Variants in ASTN2 observed in about 807,000 individuals in gnomAD.
The protein encoded by ASTN2 is astrotactin 2, also known as astrotactin-2.
ASTN2 carries 54 observed loss-of-function variants against 139.8 expected under a neutral mutation model. The observed-to-expected ratio is 0.39, with a 90% confidence interval of 0.31 to 0.48. The LOEUF (loss-of-function observed/expected upper bound fraction) is 0.48, where lower values mean the gene tolerates loss of function less well. Among genes scored for constraint, ASTN2 ranks in the 20% least tolerant of loss-of-function variants. ASTN2 has a pLI of 0.95. For synonymous variants in ASTN2, 756 were observed against 719.5 expected (o/e 1.05, Z -0.81); for missense variants, 1,565 against 1,725.1 (o/e 0.91, Z 1.64).
At chr9:117,011,016 G>C (rs11794465) in intron 6 of ASTN2, among the ~76,000 whole-genome samples, 19,874 of 152,184 alleles carry the variant, frequency 0.13, 1,614 homozygotes, top group Middle Eastern at 0.19. Context: ...TCTGGCAGCT[G>C]GGGAATAAGT....
chr9:116,440,611 G>C lies in ASTN2; in HGVS notation c.3780C>G (p.Pro1260=). 6.2e-7 allele frequency: 1 copy of C among 1,612,926 alleles called. No individual in the cohort carries two copies. The highest frequency in any genetic ancestry group is 8.5e-7 in the Non-Finnish European group (1 of 1,179,942). Residue 1260 remains proline (P), a splice_region_variant and synonymous_variant, in exon 22 of 23, where the codon CCC becomes CCG. Transcript: ENST00000313400. ...CAATCACACAAATACGCCCATACCT[G>C]GGCCCCAGCTCATCCTCACTTCTCC... is the stretch of plus-strand genomic sequence containing the variant. ...FVWRSEDELG[P]RKAHLILRRL... is the part of the protein sequence containing the mutation.
intron 19 of ASTN2, among the ~76,000 whole-genome samples, chr9:116,544,051 A>G (rs771697927): frequency 2.0e-5 from 3 of 152,178 alleles, no homozygotes; most frequent in African/African-American, 7.2e-5. Flanking sequence ...GCAATGTCCA[A>G]ATTCCCTGCA....
At chr9:117,040,030 A>C (rs1168852349) in intron 5 of ASTN2, 65 bp from the exon 6 acceptor site, 1 of 1,471,688 alleles carries the variant, frequency 6.8e-7, no homozygotes, top group Non-Finnish European at 9.1e-7. Flanking sequence ...ATTGGCATCA[A>C]GTTTGGGAAT....
intron 1 of ASTN2, among the ~76,000 whole-genome samples, chr9:117,292,177 A>G (rs951936340): frequency 3.3e-5 from 5 of 152,196 alleles, no homozygotes; most frequent in African/African-American, 9.6e-5. Context: ...CCCCATCCCA[A>G]CGTTCTCATA....
Position 117,211,136 on chromosome 9 carries a change from T to C in ASTN2, c.1015+3222A>G, listed in dbSNP as rs567400453. 1.2e-4 allele frequency among the ~76,000 whole-genome samples: 19 copies of C among 152,328 alleles called. No homozygotes were observed. In the South Asian group the frequency reaches 3.7e-3, roughly 30 times the overall value. The stretch of plus-strand genomic sequence containing the variant: ...CCAAACAAGACAAAAATGTCCACTC[T>C]AATCATTCTTGTCAAACACAATACT... On this transcript the variant is annotated intron_variant, in intron 3 of 22. Transcript: ENST00000313400.
At chr9:117,034,459 G>A (rs1838328072) in intron 6 of ASTN2, among the ~76,000 whole-genome samples, 1 of 152,072 alleles carries the variant, frequency 6.6e-6, no homozygotes, top group African/African-American at 2.4e-5. Flanking sequence ...CCATTAGTAG[G>A]GCATTGATAA....
chr9:116,775,638 A>AAGGC (rs1830066385), intron 13 of ASTN2, among the ~76,000 whole-genome samples: 1 of 120,272 alleles, frequency 8.3e-6, no homozygotes, highest in South Asian at 3.5e-4. Flanking sequence ...GGAAGGAAGG[A>AAGGC]AAAAGGACAG....
intron 3 of ASTN2, among the ~76,000 whole-genome samples, chr9:117,168,896 G>A (rs150391041): frequency 4.4e-4 from 67 of 152,092 alleles, no homozygotes; most frequent in Middle Eastern, 3.4e-3. Flanking sequence ...CTTGTAGTGC[G>A]AAAAACAATG....
intron 9 of ASTN2, 68 bp downstream of exon 9, chr9:116,976,046 G>T: frequency 1.4e-6 from 2 of 1,470,706 alleles, no homozygotes; most frequent in South Asian, 2.3e-5. Flanking sequence ...AAGGATCCAT[G>T]ACCACATCTT....
chr9:117,304,635 G>A (rs1834955292), intron 1 of ASTN2, among the ~76,000 whole-genome samples: 1 of 152,130 alleles, frequency 6.6e-6, no homozygotes, highest in Non-Finnish European at 1.5e-5. Context: ...AGTGTAGTCT[G>A]CCTCTATATT....
chr9:117,153,644 C>A (rs1164366958), intron 3 of ASTN2, among the ~76,000 whole-genome samples: 2 of 152,050 alleles, frequency 1.3e-5, no homozygotes, highest in East Asian at 3.9e-4. Flanking sequence ...GCAGTGGGAA[C>A]AATAAACATG....
chr9:117,180,759 C>T (rs1831042531), intron 3 of ASTN2: 9 of 1,575,686 alleles, frequency 5.7e-6, no homozygotes, highest in Admixed American at 5.0e-5. Context: ...TGTACTTGAC[C>T]CCACAGCCAT....
chr9:116,620,651 C>T (rs4837682), intron 17 of ASTN2, among the ~76,000 whole-genome samples: 128,797 of 152,114 alleles, frequency 0.85, 54,528 homozygotes, highest in African/African-American at 0.88. Flanking sequence ...ACAATGATCA[C>T]TGAGAAACAA....
chr9:116,479,793 C>G (rs1163561760), intron 20 of ASTN2, among the ~76,000 whole-genome samples: 1 of 152,144 alleles, frequency 6.6e-6, no homozygotes, highest in Non-Finnish European at 1.5e-5. Context: ...GGGCATGGAT[C>G]TTTGTATAAA....
chr9:117,403,660 C>T (rs903487781), intron 1 of ASTN2, among the ~76,000 whole-genome samples: 2 of 151,970 alleles, frequency 1.3e-5, no homozygotes, highest in African/African-American at 2.4e-5. Context: ...CTTCCCTTTT[C>T]GGCTGCTTGC....
chr9:117,065,830 T>C (rs1299101439), intron 5 of ASTN2, among the ~76,000 whole-genome samples: 1 of 152,160 alleles, frequency 6.6e-6, no homozygotes, highest in Non-Finnish European at 1.5e-5. Context: ...TGAGGTGGTA[T>C]AATATCAAAA....
At position 116,774,835 on chromosome 9, in the gene ASTN2, C is replaced by T. The variant is rs144179237; in HGVS notation, c.2396+30797G>A. Among the ~76,000 whole-genome samples, 148 of 152,272 alleles carry T rather than the reference C, an allele frequency of 9.7e-4. 4 individuals are homozygous for T. The East Asian group carries it at 0.021, about 22-fold the overall frequency. Reference sequence around the variant, plus strand: ...CATGACTGCTAATATGCAGGGCCTTCGGTATAAATGTACACCCTCTACCCA... The same window carrying T: ...CATGACTGCTAATATGCAGGGCCTTTGGTATAAATGTACACCCTCTACCCA... On this transcript the variant is annotated intron_variant, in intron 13 of 22. Coordinates refer to ENST00000313400, the MANE Select transcript of ASTN2 (RefSeq NM_001365068.1).
intron 10 of ASTN2, among the ~76,000 whole-genome samples, chr9:116,962,441 T>C (rs2132505196): frequency 6.6e-6 from 1 of 152,314 alleles, no homozygotes; most frequent in South Asian, 2.1e-4. Context: ...TGATGTTTGG[T>C]TTAACTTGTG....
At chr9:117,041,032 T>G (rs1264678860) in intron 5 of ASTN2, among the ~76,000 whole-genome samples, 2 of 152,152 alleles carry the variant, frequency 1.3e-5, no homozygotes, top group African/African-American at 4.8e-5. Context: ...TGTTACGACC[T>G]AGAAGAGAGG....
Sources: allele counts gnomAD v4.1 joint callset (sites outside exome capture counted in the v4.1 genomes callset), GRCh38; gene constraint gnomAD v4.1.1; transcripts MANE v1.5; gene names NCBI Gene and HGNC (gene_info 2026-07-23, HGNC 2026-07-21).